The following ABCA13 variants were observed in gnomAD, a reference collection of about 807,000 sequenced individuals.
ABCA13 encodes ATP-binding cassette sub-family A member 13.
A neutral mutation model predicts 478.7 loss-of-function variants in ABCA13; 476 were observed. The observed-to-expected ratio is 0.99, with a 90% CI of 0.92 to 1.07. The LOEUF (loss-of-function observed/expected upper bound fraction) is 1.07, where lower values mean the gene tolerates loss of function less well. ABCA13 is among the 50% of genes least tolerant of loss of function. The probability of loss-of-function intolerance (pLI) is 0.00; values close to 1 mark genes in which losing one functional copy is unlikely to be tolerated. For missense variants in ABCA13, 6,060 were observed against 5,910.6 expected, an observed-to-expected ratio of 1.03 and a Z score of -0.83; for synonymous variants, 2,252 against 2,158.9, an observed-to-expected ratio of 1.04 and a Z score of -1.20.
intron 55 of ABCA13, among the ~76,000 whole-genome samples, chr7:48,543,639 A>T (rs1469816134): frequency 6.6e-6 from 1 of 151,722 alleles, no homozygotes; most frequent in Non-Finnish European, 1.5e-5. Context: ...AGTAAAAAAT[A>T]AAAAAAATAA....
chr7:48,481,043 C>T lies in ABCA13; in HGVS notation c.12983C>T (p.Pro4328Leu). The T allele has an allele frequency of 6.3e-7, 1 of 1,588,328 alleles. No homozygotes were observed. Among genetic ancestry groups the T allele is most frequent in the Middle Eastern group, 1.7e-4 (1 of 6,042 alleles). The change falls in exon 46 of 62, where the codon CCA becomes CTA. Residue 4328 changes from proline to leucine, a missense_variant. Physicochemically the swap from Pro to Leu is moderately conservative, Grantham distance 98. This residue lies in a region of ABCA13 where 1,627 missense variants were observed against 1,571.0 expected (regional missense o/e 1.04). Transcript: ENST00000435803. The stretch of plus-strand genomic sequence containing the variant: ...TTTTGAAAACAATTTCAGAAGTGTC[C>T]AAATAGAAGTGCTAGTGCTCCCTAC... The part of the protein sequence containing the change: ...FQDSCGCLKC[P>L]NRSASAPYLT...
intron 58 of ABCA13, among the ~76,000 whole-genome samples, chr7:48,600,660 A>G (rs1021648206): frequency 1.7e-4 from 26 of 152,100 alleles, no homozygotes; most frequent in African/African-American, 6.3e-4. Context: ...TTGCCCTAAT[A>G]TGGCTCTATT....
intron 57 of ABCA13, among the ~76,000 whole-genome samples, chr7:48,589,129 A>G (rs749343124): frequency 3.7e-4 from 56 of 152,206 alleles, no homozygotes; most frequent in Admixed American, 6.5e-4. Flanking sequence ...GCACAGAAAT[A>G]CATCTTACAG....
At chr7:48,477,274 A>G (rs1256934275) in intron 45 of ABCA13, among the ~76,000 whole-genome samples, 1 of 152,126 alleles carries the variant, frequency 6.6e-6, no homozygotes, top group Non-Finnish European at 1.5e-5. Flanking sequence ...AAATAGGAAC[A>G]CTTTTACACT....
intron 55 of ABCA13, among the ~76,000 whole-genome samples, chr7:48,557,705 CTATT>C (rs1785986369): frequency 6.6e-6 from 1 of 151,488 alleles, no homozygotes; most frequent in Non-Finnish European, 1.5e-5. Flanking sequence ...GCTTGGTGTT[CTATT>C]TGTTTGGTGC....
intron 23 of ABCA13, among the ~76,000 whole-genome samples, chr7:48,305,777 T>C (rs1800812314): frequency 6.6e-6 from 1 of 152,198 alleles, no homozygotes; most frequent in Non-Finnish European, 1.5e-5. Flanking sequence ...AATACTCAGA[T>C]AATTATCTAA....
At chr7:48,439,830 T>A (rs186937429) in intron 42 of ABCA13, among the ~76,000 whole-genome samples, 79 of 152,266 alleles carry the variant, frequency 5.2e-4, no homozygotes, top group Non-Finnish European at 8.8e-4. Flanking sequence ...CTGTAAAATG[T>A]CTTCACCTTT....
intron 1 of ABCA13, among the ~76,000 whole-genome samples, chr7:48,184,512 A>G (rs1796107734): frequency 1.3e-5 from 2 of 152,150 alleles, no homozygotes; most frequent in African/African-American, 4.8e-5. Flanking sequence ...TCTTCTGAAC[A>G]TTTTAAAAAA....
chr7:48,507,723 A>T, intron 49 of ABCA13, 149 bp from the exon 50 acceptor site: 1 of 901,076 alleles, frequency 1.1e-6, no homozygotes, highest in Non-Finnish European at 1.6e-6. Context: ...GGATTTAATG[A>T]GGGAATCCAT....
intron 31 of ABCA13, among the ~76,000 whole-genome samples, chr7:48,356,122 G>A (rs1809869758): frequency 6.6e-6 from 1 of 151,988 alleles, no homozygotes; most frequent in Non-Finnish European, 1.5e-5. Flanking sequence ...TGGAGGTCAA[G>A]CTGAGCAAAA....
intron 38 of ABCA13, among the ~76,000 whole-genome samples, chr7:48,398,364 G>C (rs1817141273): frequency 6.6e-6 from 1 of 152,104 alleles, no homozygotes; most frequent in Non-Finnish European, 1.5e-5. Flanking sequence ...GTGTTACCTA[G>C]CAACAAAGCC....
At chr7:48,285,298 G>A (rs1431306854) in intron 19 of ABCA13, among the ~76,000 whole-genome samples, 1 of 152,182 alleles carries the variant, frequency 6.6e-6, no homozygotes, top group African/African-American at 2.4e-5. Context: ...GTCTGAATGT[G>A]TCCTTGGAGC....
Position 48,427,872 on chromosome 7 carries a change from G to GT in ABCA13, c.12565+2dup. On this transcript the variant is annotated splice_donor_variant, in intron 42 of 61. Transcript: ENST00000435803. LOFTEE classifies it high-confidence loss of function. ...CCTACAGGACATCTGTCTGGCTACT[G>GT]TAAGTACAGAATGGCTTCCTGCATT... 1 of 1,585,532 alleles carries GT rather than the reference G, an allele frequency of 6.3e-7. No homozygotes were observed. The highest frequency in any genetic ancestry group is 8.6e-7 in the Non-Finnish European group (1 of 1,165,256).
Position 48,352,543 on chromosome 7 carries a change from G to T in ABCA13, c.10688+56G>T, listed in dbSNP as rs540638016. ...GTGAGAAGGGCCTTGCATTTGTCTA[G>T]CTGAGGAGAGAAAACTCAGTTTTTC... On this transcript the variant is annotated intron_variant, in intron 31 of 61. Coordinates refer to ENST00000435803, the MANE Select transcript of ABCA13 (RefSeq NM_152701.5). 420 of 1,457,436 alleles carry T rather than the reference G, an allele frequency of 2.9e-4. 1 individual carries two copies. Among genetic ancestry groups the T allele is most frequent in the Non-Finnish European group, 2.8e-5 (31 of 1,100,572 alleles). The allele number at this position is 1,457,436 out of a possible 1,614,324, so 90.3% of individuals were successfully genotyped here. A position where few individuals can be genotyped will look rare whatever the true frequency, so the allele number is the denominator to read the frequency against.
chr7:48,346,611 T>C (rs1808145910), intron 29 of ABCA13, among the ~76,000 whole-genome samples: 1 of 152,182 alleles, frequency 6.6e-6, no homozygotes, highest in Non-Finnish European at 1.5e-5. Flanking sequence ...AGATATTCAG[T>C]TGGAGCCTCG....
chr7:48,410,430 G>A lies in ABCA13; in HGVS notation c.12071-90G>A, dbSNP rs192934398. ...AAATTGGTGAGGATCTTTAAATTGT[G>A]CCCTGGATCTACCATCCTGAGGAAA... On this transcript the variant is annotated intron_variant, in intron 39 of 61. Coordinates refer to ENST00000435803, the MANE Select transcript of ABCA13 (RefSeq NM_152701.5). 8.5e-5 allele frequency: 126 copies of A among 1,489,692 alleles called. 1 individual carries two copies. The African/African-American group carries it at 1.0e-3, about 12-fold the overall frequency. 92.3% of individuals were successfully genotyped at this position (1,489,692 alleles called of 1,614,324 possible). A position where few individuals can be genotyped will look rare whatever the true frequency, so the allele number is the denominator to read the frequency against.
chr7:48,331,602 C>A (rs1489344762), intron 27 of ABCA13, among the ~76,000 whole-genome samples: 1 of 152,178 alleles, frequency 6.6e-6, no homozygotes, highest in Non-Finnish European at 1.5e-5. Context: ...GATTTACATG[C>A]ATTTGTAAGA....
chr7:48,310,265 C>A, intron 24 of ABCA13, 124 bp downstream of exon 24: 2 of 1,017,910 alleles, frequency 2.0e-6, no homozygotes, highest in Non-Finnish European at 2.9e-6. Context: ...CTGCAGTGGT[C>A]TCCACCAGCC....
intron 10 of ABCA13, among the ~76,000 whole-genome samples, 154 bp from the exon 11 acceptor site, chr7:48,244,422 A>T (rs1337236327): frequency 6.6e-6 from 1 of 152,240 alleles, no homozygotes; most frequent in African/African-American, 2.4e-5. Context: ...GCAATTTGTC[A>T]AGAACCTGGT....
Sources: gnomAD v4.1 joint callset for allele counts (sites outside exome capture counted in the v4.1 genomes callset) on GRCh38, gnomAD v4.1.1 for gene constraint, gnomAD v4.1.1 regional missense constraint, MANE v1.5 for transcripts, NCBI Gene and HGNC (gene_info 2026-07-23, HGNC 2026-07-21) for gene names.